The following DOCK6 variants were observed in gnomAD, a reference collection of about 807,000 sequenced individuals.
DOCK6 encodes the protein dedicator of cytokinesis 6.
DOCK6 carries 167 observed loss-of-function variants against 230.3 expected under a neutral mutation model. The ratio of observed to expected loss-of-function variants is 0.73; its 90% CI spans 0.64 to 0.82. DOCK6 has a LOEUF of 0.82. DOCK6 is among the 40% of genes least tolerant of loss of function. The pLI, the probability that DOCK6 is intolerant of heterozygous loss-of-function variation, is 0.00. For missense variants in DOCK6, 2,598 were observed against 2,825.8 expected, an observed-to-expected ratio of 0.92 and a Z score of 1.83; for synonymous variants, 1,148 against 1,185.0, an observed-to-expected ratio of 0.97 and a Z score of 0.64.
intron 28 of DOCK6, chr19:11,221,191 TG>T (rs2079574082): frequency 6.5e-6 from 1 of 152,784 alleles, no homozygotes; most frequent in Non-Finnish European, 1.5e-5. Context: ...AAGACATAAG[TG>T]GTGAACTCAT....
At position 11,201,987 on chromosome 19, in the gene DOCK6, C is replaced by T. The variant is rs1307603366; in HGVS notation, c.5590G>A (p.Gly1864Arg). The change falls in exon 44 of 48, where the codon GGG (glycine) becomes AGG (arginine). Residue 1864 changes from glycine (G) to arginine (R), a missense_variant. Gly to Arg is a moderately radical substitution (Grantham distance 125). Coordinates refer to ENST00000294618, the MANE Select transcript of DOCK6 (RefSeq NM_020812.4). This position sits in a 1 kb window ranked among gnomAD's most constrained non-coding sequence, Gnocchi z 4.3. ...TPFTPDGRAH[G>R]ELPEQHKRKT... is the part of the protein sequence containing the mutation. ...CGCTTGTGTTGCTCGGGCAGCTCCC[C>T]GTGTGCGCGCCCATCCGGCGTGAAC... The T allele has an allele frequency of 3.7e-6, 6 of 1,613,894 alleles. No individual in the cohort carries two copies. The highest frequency in any genetic ancestry group is 1.7e-5 in the Admixed American group (1 of 60,000).
rs1034938443 is a variant in DOCK6, at chr19:11,204,062, T to C, written c.5235+19A>G. ...CGGGGGTCCCAGAGGCAGGTGGCTG[T>C]CCACCAAGGCTGACTCACCTCCCAG... On this transcript the variant is annotated intron_variant, in intron 41 of 47. Coordinates refer to ENST00000294618, the MANE Select transcript of DOCK6 (RefSeq NM_020812.4). The C allele has an allele frequency of 3.7e-5, 58 of 1,549,266 alleles. No homozygotes were observed. In the Admixed American group the frequency reaches 8.2e-4, roughly 22 times the overall value.
In DOCK6 at chr19:11,208,767, C is replaced by T. The variant is rs1355198606; in HGVS notation, c.5007G>A (p.Glu1669=). 1 of 1,613,794 alleles carries T rather than the reference C, an allele frequency of 6.2e-7. No individual in the cohort carries two copies. Among genetic ancestry groups the T allele is most frequent in the Admixed American group, 1.7e-5 (1 of 60,002 alleles). The change falls in exon 39 of 48, where the codon GAG becomes GAA. Residue 1669 remains glutamate (E), a synonymous_variant. Coordinates refer to ENST00000294618, the MANE Select transcript of DOCK6 (RefSeq NM_020812.4). ...AISDDILSPD[E]EGFCSGKHFT... is the part of the protein sequence containing the mutation. ...AGTGCTTCCCGGAGCAGAAGCCCTC[C>T]TCGTCGGGCGACAGGATGTCGTCGG... is the stretch of plus-strand genomic sequence containing the variant.
intron 1 of DOCK6, among the ~76,000 whole-genome samples, chr19:11,262,161 G>A (rs1193520262): frequency 6.6e-6 from 1 of 151,978 alleles, no homozygotes; most frequent in Non-Finnish European, 1.5e-5. Context: ...AGGCAGAACG[G>A]CAGCCGCCAT....
chr19:11,245,176 G>A (rs1203319954), intron 9 of DOCK6, among the ~76,000 whole-genome samples: 2 of 152,160 alleles, frequency 1.3e-5, no homozygotes, highest in Non-Finnish European at 2.9e-5. Flanking sequence ...CAAACTAATA[G>A]AAGGTTTTGA....
chr19:11,245,020 C>A (rs1207691764), intron 9 of DOCK6, among the ~76,000 whole-genome samples: 1 of 152,192 alleles, frequency 6.6e-6, no homozygotes, highest in African/African-American at 2.4e-5. Flanking sequence ...ACCCTATCCA[C>A]TCTGTGCCTC....
At chr19:11,252,050 G>A in intron 5 of DOCK6, 69 bp downstream of exon 5, 1 of 1,554,058 alleles carries the variant, frequency 6.4e-7, no homozygotes, top group Non-Finnish European at 8.7e-7. Flanking sequence ...CCTGTCACAT[G>A]TGACCAAAAG....
At chr19:11,252,738 G>A in intron 3 of DOCK6, 45 bp downstream of exon 3, 1 of 1,596,242 alleles carries the variant, frequency 6.3e-7, no homozygotes, top group Non-Finnish European at 8.6e-7. Context: ...GGTTGGCAGA[G>A]ACAGAGTGGA....
rs1193003740 is a variant in DOCK6 at position 11,222,271 on chromosome 19, G to A, written c.3241-23C>T. ...GCTCTGCAGAGTGGGGGAAAAATGG[G>A]GGATGCCAGCGGTCAAGGGTCAGAG... On this transcript the variant is annotated intron_variant, in intron 26 of 47. Coordinates refer to ENST00000294618, the MANE Select transcript of DOCK6 (RefSeq NM_020812.4). The surrounding 1 kb of genome is among the most constrained non-coding windows in gnomAD (Gnocchi z 4.0). 6.3e-7 allele frequency: 1 copy of A among 1,584,424 alleles called. No homozygotes were observed. Among genetic ancestry groups the A allele is most frequent in the Non-Finnish European group, 8.6e-7 (1 of 1,165,476 alleles).
At chr19:11,246,588 C>T (rs552677421) in intron 7 of DOCK6, among the ~76,000 whole-genome samples, 85 of 152,032 alleles carry the variant, frequency 5.6e-4, no homozygotes, top group Admixed American at 3.3e-4. Flanking sequence ...TTTCCCCCTC[C>T]CTACACCCTC....
chr19:11,231,579 G>C (rs1312017942), intron 22 of DOCK6, among the ~76,000 whole-genome samples: 1 of 152,212 alleles, frequency 6.6e-6, no homozygotes, highest in Non-Finnish European at 1.5e-5. Context: ...AGGACTGCTG[G>C]GGGAGCACTA....
At chr19:11,199,629 G>A (rs373430700) in intron 47 of DOCK6, 90 bp from the exon 48 acceptor site, 309 of 1,358,294 alleles carry the variant, frequency 2.3e-4, no homozygotes, top group Admixed American at 2.8e-4. Context: ...CCTCCTCCTC[G>A]TCTTCCTCCA....
At chr19:11,221,580 G>T in intron 28 of DOCK6, 1 of 481,674 alleles carries the variant, frequency 2.1e-6, no homozygotes, top group Non-Finnish European at 3.7e-6. Flanking sequence ...CCCATCTATT[G>T]TAGGCTGACA....
chr19:11,251,337 C>T (rs1400371458), intron 5 of DOCK6: 2 of 484,284 alleles, frequency 4.1e-6, no homozygotes, highest in Non-Finnish European at 7.5e-6. Flanking sequence ...TTAGGTGATC[C>T]TTATCTGGTC....
At chr19:11,219,390 A>T (rs2079546342) in intron 28 of DOCK6, among the ~76,000 whole-genome samples, 1 of 146,798 alleles carries the variant, frequency 6.8e-6, no homozygotes, top group South Asian at 2.2e-4. Flanking sequence ...GGGTTTCACC[A>T]TGTTGGTCAG....
intron 41 of DOCK6, 148 bp downstream of exon 41, chr19:11,203,933 T>G: frequency 1.9e-6 from 2 of 1,038,648 alleles, no homozygotes; most frequent in Admixed American, 2.8e-5. Flanking sequence ...GGGAGGGAAA[T>G]AATGGGGTGG....
Position 11,235,715 on chromosome 19 carries a change from T to C in DOCK6, c.2437A>G (p.Ser813Gly). The C allele has an allele frequency of 6.3e-7, 1 of 1,599,952 alleles. No individual in the cohort carries two copies. Among genetic ancestry groups the C allele is most frequent in the South Asian group, 1.1e-5 (1 of 88,104 alleles). The change falls in exon 21 of 48, where the codon AGC (serine) becomes GGC (glycine). Residue 813 changes from serine (S) to glycine (G), a missense_variant. Transcript: ENST00000294618. ...GCCTCCAGGCTCCGGTGAACAAGGC[T>C]GACTACATGGGCCATTGCTTCAAAG... Reference protein sequence around the residue: ...GAFEAMAHVVSLVHRSLEAAQ... With the variant: ...GAFEAMAHVVGLVHRSLEAAQ...
intron 47 of DOCK6, 126 bp from the exon 48 acceptor site, chr19:11,199,665 C>A: frequency 9.7e-7 from 1 of 1,026,258 alleles, no homozygotes; most frequent in South Asian, 1.4e-5. Context: ...TCTCTCCTGT[C>A]CCTGATCTGG....
In DOCK6 at chr19:11,200,742, C is replaced by T. The variant is rs745356942; in HGVS notation, c.5913G>A (p.Arg1971=). The T allele has an allele frequency of 1.9e-6, 3 of 1,613,596 alleles. No homozygotes were observed. Among genetic ancestry groups the T allele is most frequent in the Non-Finnish European group, 2.5e-6 (3 of 1,179,704 alleles). Residue 1971 remains arginine, a synonymous_variant, in exon 46 of 48, where the codon CGG becomes CGA. Transcript: ENST00000294618. The surrounding 1 kb of genome is among the most constrained non-coding windows in gnomAD (Gnocchi z 4.3). ...PKLFRHHNKL[R]LCFKDFCKKC... The stretch of plus-strand genomic sequence containing the variant: ...TCTTGCAGAAGTCCTTGAAGCAGAG[C>T]CGCAATTTGTTGTGATGCCGGAAGA...
Sources: allele counts gnomAD v4.1 joint callset (sites outside exome capture counted in the v4.1 genomes callset), GRCh38; gene constraint gnomAD v4.1.1; non-coding constraint Gnocchi (gnomAD v3.1); transcripts MANE v1.5; gene names NCBI Gene and HGNC (gene_info 2026-07-23, HGNC 2026-07-21).